The following NPRL3 variants were observed in gnomAD, a reference collection of about 807,000 sequenced individuals.
NPRL3 encodes the protein NPR3 like, GATOR1 complex subunit.
In NPRL3, 23 loss-of-function variants were observed where a neutral mutation model predicts 57.2. That is an observed-to-expected ratio of 0.40 (90% CI 0.29 to 0.57). NPRL3 has a LOEUF of 0.57. Among genes scored for constraint, NPRL3 ranks in the 20% least tolerant of loss-of-function variants. The pLI is 0.42. For synonymous variants in NPRL3, 333 were observed against 321.1 expected (o/e 1.04, Z -0.39); for missense variants, 691 against 767.1 (o/e 0.90, Z 1.17).
intron 7 of NPRL3, among the ~76,000 whole-genome samples, chr16:101,940 C>G (rs993620443): frequency 1.3e-5 from 2 of 152,232 alleles, no homozygotes; most frequent in Admixed American, 6.5e-5. Context: ...TCTCCCCAAC[C>G]AGAACTCACT....
In NPRL3 at chr16:86,414, C is replaced by T. The variant is rs1423536781; in HGVS notation, c.*291G>A. On this transcript the variant is annotated 3_prime_UTR_variant, in exon 14 of 14. Transcript: ENST00000611875. ...ATGGGCCTTGAAGGATGCGGCCTCA[C>T]CCAGAGACAGGAGTCCTGGCAGGCC... 4.7e-6 allele frequency: 2 copies of T among 428,438 alleles called. No homozygotes were observed. The highest frequency in any genetic ancestry group is 3.6e-5 in the Admixed American group (1 of 27,698). 26.5% of individuals were successfully genotyped at this position (428,438 alleles called of 1,614,324 possible). A position where few individuals can be genotyped will look rare whatever the true frequency, so the allele number is the denominator to read the frequency against.
intron 7 of NPRL3, among the ~76,000 whole-genome samples, chr16:109,340 T>C (rs1465101793): frequency 6.6e-6 from 1 of 152,098 alleles, no homozygotes; most frequent in East Asian, 1.9e-4. Flanking sequence ...CATGGTATCC[T>C]CAAGGCTTGC....
intron 2 of NPRL3, among the ~76,000 whole-genome samples, 165 bp from the exon 3 acceptor site, chr16:130,756 C>T (rs1900753361): frequency 6.6e-6 from 1 of 152,212 alleles, no homozygotes; most frequent in African/African-American, 2.4e-5. Flanking sequence ...ACCTTGACAA[C>T]ATCATGCTGA....
chr16:131,434 G>A (rs1342471859), intron 2 of NPRL3, among the ~76,000 whole-genome samples: 7 of 130,412 alleles, frequency 5.4e-5, no homozygotes, highest in South Asian at 2.3e-4. Context: ...AGCCAAGATC[G>A]CGCCACTGTA....
At chr16:89,004 AG>A in intron 12 of NPRL3, 114 bp from the exon 13 acceptor site, 1 of 920,846 alleles carries the variant, frequency 1.1e-6, no homozygotes, top group Non-Finnish European at 1.7e-6. Flanking sequence ...TACAAGGGTT[AG>A]GGTACATCTG....
At chr16:117,178 A>C in intron 5 of NPRL3, 123 bp downstream of exon 5, 1 of 638,814 alleles carries the variant, frequency 1.6e-6, no homozygotes, top group Non-Finnish European at 2.8e-6. Flanking sequence ...GTCTGCCTGC[A>C]CCCCAGGAGG....
chr16:95,529 T>C (rs1308138192), intron 9 of NPRL3, among the ~76,000 whole-genome samples: 1 of 151,970 alleles, frequency 6.6e-6, no homozygotes, highest in Non-Finnish European at 1.5e-5. Flanking sequence ...ACACCCAAAA[T>C]TTACTTGTAG....
chr16:119,334 A>G, intron 3 of NPRL3, 79 bp from the exon 4 acceptor site: 1 of 1,428,322 alleles, frequency 7.0e-7, no homozygotes, highest in Non-Finnish European at 9.6e-7. Flanking sequence ...CCAGAGCGGA[A>G]GGGTCTCAGT....
intron 7 of NPRL3, among the ~76,000 whole-genome samples, 195 bp from the exon 8 acceptor site, chr16:100,704 TC>T (rs1899246457): frequency 7.9e-6 from 1 of 126,650 alleles, no homozygotes; most frequent in Non-Finnish European, 1.9e-5. Flanking sequence ...GCACGGTGGC[TC>T]ATGCCTGTAA....
intron 6 of NPRL3, among the ~76,000 whole-genome samples, chr16:112,157 C>A (rs1008519001): frequency 6.6e-6 from 1 of 152,230 alleles, no homozygotes; most frequent in East Asian, 1.9e-4. Context: ...ACATCTCCAA[C>A]AGGACCAGGG....
At position 86,637 on chromosome 16, in the gene NPRL3, A is replaced by G; in HGVS notation, c.*68T>C. On this transcript the variant is annotated 3_prime_UTR_variant, in exon 14 of 14. Coordinates refer to ENST00000611875, the MANE Select transcript of NPRL3 (RefSeq NM_001077350.3). ...GAGGGCTCAGCCTCAGCACGGGGGG[A>G]GCCCTGGGGTGGGGAGACGCGAGCG... 6.9e-7 allele frequency: 1 copy of G among 1,447,956 alleles called. No homozygotes were observed. Among genetic ancestry groups the G allele is most frequent in the Non-Finnish European group, 9.3e-7 (1 of 1,078,982 alleles). 89.7% of individuals were successfully genotyped at this position (1,447,956 alleles called of 1,614,324 possible). A position where few individuals can be genotyped will look rare whatever the true frequency, so the allele number is the denominator to read the frequency against.
At chr16:111,442 ATTT>A (rs568923613) in intron 6 of NPRL3, among the ~76,000 whole-genome samples, 1 of 151,804 alleles carries the variant, frequency 6.6e-6, no homozygotes, top group South Asian at 2.1e-4. Flanking sequence ...AATTTATTTT[ATTT>A]TTATTTATTT....
Position 98,138 on chromosome 16 carries a change from G to A in NPRL3, c.924+7C>T. The A allele has an allele frequency of 6.2e-7, 1 of 1,612,792 alleles. No individual in the cohort carries two copies. Among genetic ancestry groups the A allele is most frequent in the Non-Finnish European group, 8.5e-7 (1 of 1,179,386 alleles). On this transcript the variant is annotated splice_region_variant and intron_variant, in intron 9 of 13. Coordinates refer to ENST00000611875, the MANE Select transcript of NPRL3 (RefSeq NM_001077350.3). Reference sequence around the variant, plus strand: ...CATGCCACCCATCTGGGCCTCCAGAGCTATACCTGCAGCAAGGCCAGGTCC... The same window carrying A: ...CATGCCACCCATCTGGGCCTCCAGAACTATACCTGCAGCAAGGCCAGGTCC...
At chr16:120,988 G>C (rs1487786972) in intron 3 of NPRL3, among the ~76,000 whole-genome samples, 1 of 152,146 alleles carries the variant, frequency 6.6e-6, no homozygotes, top group Non-Finnish European at 1.5e-5. Context: ...CTGCCACCCA[G>C]TGACTCAGGG....
In NPRL3 at chr16:116,787, A is replaced by ACCCC. The variant is rs71391112; in HGVS notation, c.393+510_393+513dup. On this transcript the variant is annotated intron_variant, in intron 5 of 13. Transcript: ENST00000611875. ...AGACCAGCATGGCCAACATGGCGAG[A>ACCCC]CCCCCCCCCCCCACCGATCTCTACT... 8.1e-5 allele frequency among the ~76,000 whole-genome samples: 7 copies of ACCCC among 85,952 alleles called. 1 individual carries two copies. The highest frequency in any genetic ancestry group is 1.4e-4 in the Admixed American group (1 of 7,100). 56.4% of individuals were successfully genotyped at this position (85,952 alleles called of 152,430 possible).
At chr16:119,415 C>G in intron 3 of NPRL3, 160 bp from the exon 4 acceptor site, 1 of 675,844 alleles carries the variant, frequency 1.5e-6, no homozygotes, top group Non-Finnish European at 2.5e-6. Context: ...CCTTCTGTAG[C>G]AATCCCAGAG....
intron 8 of NPRL3, 23 bp from the exon 9 acceptor site, chr16:98,324 G>T (rs769479384): frequency 1.9e-6 from 3 of 1,611,524 alleles, no homozygotes; most frequent in African/African-American, 2.7e-5. Context: ...CACCTGTCAC[G>T]GAACACACGA....
intron 8 of NPRL3, among the ~76,000 whole-genome samples, chr16:98,687 C>T (rs879507334): frequency 3.9e-5 from 6 of 152,252 alleles, no homozygotes; most frequent in East Asian, 1.9e-4. Context: ...CCTATAATCC[C>T]GGCACTCTGG....
intron 2 of NPRL3, among the ~76,000 whole-genome samples, chr16:134,674 A>G (rs1007688205): frequency 1.3e-5 from 2 of 150,964 alleles, no homozygotes; most frequent in African/African-American, 4.9e-5. Context: ...GTATAACATA[A>G]AGTCACAGTA....
Sources: gnomAD v4.1 joint callset for allele counts (sites outside exome capture counted in the v4.1 genomes callset) on GRCh38, gnomAD v4.1.1 for gene constraint, MANE v1.5 for transcripts, NCBI Gene and HGNC (gene_info 2026-07-23, HGNC 2026-07-21) for gene names.